The following KAZN variants were observed in gnomAD, a reference collection of about 807,000 sequenced individuals.
KAZN encodes kazrin.
A neutral mutation model predicts 87.4 loss-of-function variants in KAZN; 40 were observed. The observed-to-expected ratio is 0.46, with a 90% CI of 0.36 to 0.60. KAZN has a LOEUF of 0.60. Ranked by LOEUF, KAZN falls within the 20% of genes least tolerant of loss-of-function variation. KAZN has a pLI of 0.00. For missense variants in KAZN, 898 were observed against 1,073.9 expected (o/e 0.84, Z 2.29); for synonymous variants, 466 against 458.3 (o/e 1.02, Z -0.22).
rs557356936 is a variant in KAZN, at chr1:14,088,999, A to T, written c.92-91436A>T. Among the ~76,000 whole-genome samples, 4 of 132,298 alleles carry T rather than the reference A, an allele frequency of 3.0e-5. 2 individuals are homozygous for T. Among genetic ancestry groups the T allele is most frequent in the African/African-American group, 1.3e-4 (4 of 31,514 alleles). 86.8% of individuals were successfully genotyped at this position (132,298 alleles called of 152,430 possible). A position where few individuals can be genotyped will look rare whatever the true frequency, so the allele number is the denominator to read the frequency against. ...GTGGTTGCATGCCTTACCATTTTCT[A>T]AAAAAAAAAATCCAGACTTTATTTT... is the stretch of plus-strand genomic sequence containing the variant. On this transcript the variant is annotated intron_variant, in intron 1 of 16. Coordinates refer to the KAZN transcript ENST00000636203.
In KAZN at chr1:15,092,451, A is replaced by ATTTGT. The variant is rs148459798; in HGVS notation, c.1223-1702_1223-1698dup. ...TGTTTGGGTGTGTGTGTGTGTTTTT[A>ATTTGT]TTTGTTTTGTTTTGTTTTGTTTTGT... On this transcript the variant is annotated intron_variant, in intron 8 of 14. Transcript: ENST00000376030. Among the ~76,000 whole-genome samples, 1,482 of 149,950 alleles carry ATTTGT rather than the reference A, an allele frequency of 9.9e-3. 29 individuals are homozygous for ATTTGT. Among genetic ancestry groups the ATTTGT allele is most frequent in the East Asian group, 0.082 (411 of 5,036 alleles).
chr1:14,721,617 G>A (rs1439619505), intron 1 of KAZN, among the ~76,000 whole-genome samples: 1 of 152,118 alleles, frequency 6.6e-6, no homozygotes, highest in Non-Finnish European at 1.5e-5. Flanking sequence ...TGAGAGCAGG[G>A]GTACAAGTCA....
chr1:14,836,571 CCT>C (rs2100908494), intron 1 of KAZN, among the ~76,000 whole-genome samples: 1 of 152,284 alleles, frequency 6.6e-6, no homozygotes, highest in South Asian at 2.1e-4. Flanking sequence ...GCCCACGCCT[CCT>C]CTTTCCAGAC....
At chr1:14,853,795 G>A (rs537165016) in intron 1 of KAZN, among the ~76,000 whole-genome samples, 5 of 152,274 alleles carry the variant, frequency 3.3e-5, no homozygotes, top group Admixed American at 2.0e-4. Context: ...GCCCATATTG[G>A]TGCTAGTACA....
At chr1:14,321,172 G>A (rs16853931) in intron 2 of KAZN, among the ~76,000 whole-genome samples, 4,577 of 152,178 alleles carry the variant, frequency 0.03, 234 homozygotes, top group African/African-American at 0.1. Context: ...AGTGTATATC[G>A]TGGCTTACAA....
At chr1:14,471,353 T>C (rs1050807157) in intron 2 of KAZN, among the ~76,000 whole-genome samples, 1 of 152,140 alleles carries the variant, frequency 6.6e-6, no homozygotes, top group African/African-American at 2.4e-5. Context: ...AAAGGTAAAA[T>C]TACATGTCCT....
rs577223291 is a variant in KAZN at position 14,965,331 on chromosome 1, T to C, written c.418+4456T>C. The stretch of plus-strand genomic sequence containing the variant: ...CACCAAGCCCAGCTCATCAATGGTA[T>C]CATCTTATGTATAAACTGCATGAGC... On this transcript the variant is annotated intron_variant, in intron 2 of 14. Coordinates refer to ENST00000376030, the MANE Select transcript of KAZN (RefSeq NM_201628.3). Among the ~76,000 whole-genome samples, 100 of 152,306 alleles carry C rather than the reference T, an allele frequency of 6.6e-4. 1 individual carries two copies. The highest frequency in any genetic ancestry group is 2.3e-3 in the African/African-American group (97 of 41,554).
At chr1:14,682,413 G>A (rs917832774) in intron 1 of KAZN, among the ~76,000 whole-genome samples, 1 of 151,550 alleles carries the variant, frequency 6.6e-6, no homozygotes, top group Non-Finnish European at 1.5e-5. Flanking sequence ...TCAGCCTCCT[G>A]AGTAGCTGGG....
At chr1:14,561,519 G>A (rs1424842820) in intron 2 of KAZN, among the ~76,000 whole-genome samples, 3 of 152,202 alleles carry the variant, frequency 2.0e-5, no homozygotes, top group African/African-American at 7.2e-5. Context: ...GACCAGAAAT[G>A]CAGATCAGTG....
intron 1 of KAZN, among the ~76,000 whole-genome samples, chr1:14,033,986 T>C (rs1296265119): frequency 6.6e-6 from 1 of 152,156 alleles, no homozygotes; most frequent in African/African-American, 2.4e-5. Flanking sequence ...GACAGGACAG[T>C]CAAAGGGAAT....
chr1:14,122,893 T>C (rs918657203), intron 1 of KAZN, among the ~76,000 whole-genome samples: 8 of 152,192 alleles, frequency 5.3e-5, no homozygotes, highest in African/African-American at 1.7e-4. Flanking sequence ...GTTTTTGCTA[T>C]TGTTTGTTTT....
intron 1 of KAZN, among the ~76,000 whole-genome samples, chr1:14,616,878 G>A (rs1169015180): frequency 6.6e-6 from 1 of 152,198 alleles, no homozygotes; most frequent in Non-Finnish European, 1.5e-5. Context: ...ATACAGTGGT[G>A]GGTGTCCATC....
intron 1 of KAZN, among the ~76,000 whole-genome samples, chr1:14,740,386 A>G (rs757384589): frequency 6.6e-6 from 1 of 152,180 alleles, no homozygotes; most frequent in Non-Finnish European, 1.5e-5. Flanking sequence ...ATCCAGTCCC[A>G]TGCACAAACT....
intron 1 of KAZN, among the ~76,000 whole-genome samples, chr1:14,604,881 G>C (rs1176922298): frequency 1.3e-5 from 2 of 152,200 alleles, no homozygotes; most frequent in Non-Finnish European, 2.9e-5. Context: ...AGTCAGGCTG[G>C]AGAGGGGAGA....
At chr1:15,020,743 A>G (rs545941552) in intron 2 of KAZN, among the ~76,000 whole-genome samples, 1 of 152,224 alleles carries the variant, frequency 6.6e-6, no homozygotes, top group Non-Finnish European at 1.5e-5. Flanking sequence ...TTTTTCGTGC[A>G]GGTGAACGCA....
At chr1:14,419,571 C>G (rs966363351) in intron 2 of KAZN, among the ~76,000 whole-genome samples, 1 of 152,170 alleles carries the variant, frequency 6.6e-6, no homozygotes, top group Non-Finnish European at 1.5e-5. Context: ...ACTTCAAGAA[C>G]GAAGCCGTGG....
At chr1:14,407,966 A>C (rs1452521038) in intron 2 of KAZN, among the ~76,000 whole-genome samples, 1 of 152,214 alleles carries the variant, frequency 6.6e-6, no homozygotes, top group African/African-American at 2.4e-5. Context: ...ATTTACTCAC[A>C]CACCTCTCAA....
At chr1:14,193,156 G>A (rs544967700) in intron 2 of KAZN, among the ~76,000 whole-genome samples, 7 of 152,204 alleles carry the variant, frequency 4.6e-5, no homozygotes, top group African/African-American at 7.2e-5. Context: ...CCTTGCTTCC[G>A]CTTCACCTTC....
At chr1:14,563,951 C>T (rs1674402649) in intron 2 of KAZN, among the ~76,000 whole-genome samples, 1 of 139,668 alleles carries the variant, frequency 7.2e-6, no homozygotes, top group African/African-American at 2.6e-5. Flanking sequence ...CTCACTGCAA[C>T]CACCATCTCC....
Sources: allele counts gnomAD v4.1 joint callset (sites outside exome capture counted in the v4.1 genomes callset), GRCh38; gene constraint gnomAD v4.1.1; transcripts MANE v1.5; gene names NCBI Gene and HGNC (gene_info 2026-07-23, HGNC 2026-07-21).